PCLO: variants seen among roughly 807,000 people sequenced by gnomAD.
The protein encoded by PCLO is piccolo presynaptic cytomatrix protein, also known as protein piccolo.
PCLO carries 82 observed loss-of-function variants against 427.5 expected under a neutral mutation model. That is an observed-to-expected ratio of 0.19 (90% CI 0.16 to 0.23). PCLO has a LOEUF of 0.23. PCLO is among the 10% of genes least tolerant of loss of function. The probability of loss-of-function intolerance (pLI) is 1.00; values close to 1 mark genes in which losing one functional copy is unlikely to be tolerated. For synonymous variants in PCLO, 2,357 were observed against 2,155.4 expected (o/e 1.09, Z -2.59); for missense variants, 6,239 against 6,115.9 (o/e 1.02, Z -0.67).
chr7:82,958,626 A>G (rs772650581), intron 4 of PCLO, among the ~76,000 whole-genome samples: 9 of 152,114 alleles, frequency 5.9e-5, no homozygotes, highest in Non-Finnish European at 1.0e-4. Context: ...ACTAATGCCT[A>G]CTCTTCAGTG....
intron 3 of PCLO, among the ~76,000 whole-genome samples, chr7:83,121,818 G>A (rs1356199927): frequency 6.6e-6 from 1 of 151,356 alleles, no homozygotes; most frequent in Non-Finnish European, 1.5e-5. Context: ...TAAGTGAGAG[G>A]CTATAGCCCT....
intron 19 of PCLO, among the ~76,000 whole-genome samples, chr7:82,823,793 A>G (rs1791858673): frequency 6.6e-6 from 1 of 152,208 alleles, no homozygotes. Flanking sequence ...ATGCAAAATT[A>G]TATTTATTGG....
intron 3 of PCLO, among the ~76,000 whole-genome samples, chr7:82,979,382 T>G (rs1796097435): frequency 6.6e-6 from 1 of 152,228 alleles, no homozygotes. Flanking sequence ...TGCATTTTAT[T>G]TAATGATTCT....
chr7:83,015,750 A>T (rs1402088881), intron 3 of PCLO, among the ~76,000 whole-genome samples: 8 of 152,194 alleles, frequency 5.3e-5, no homozygotes, highest in Non-Finnish European at 1.2e-4. Context: ...GCTGTATAAT[A>T]GACTAGTATT....
intron 22 of PCLO, among the ~76,000 whole-genome samples, chr7:82,798,941 G>A (rs1334832153): frequency 6.6e-6 from 1 of 151,960 alleles, no homozygotes; most frequent in East Asian, 1.9e-4. Context: ...GGGTCAGTTC[G>A]CTAAAGGGGA....
chr7:82,889,252 T>C (rs1584105838), intron 9 of PCLO, among the ~76,000 whole-genome samples: 1 of 152,142 alleles, frequency 6.6e-6, no homozygotes, highest in Non-Finnish European at 1.5e-5. Flanking sequence ...GCTGTTGATG[T>C]CATCTGTCCA....
chr7:83,011,048 C>T (rs117103140), intron 3 of PCLO, among the ~76,000 whole-genome samples: 3,750 of 152,066 alleles, frequency 0.025, 85 homozygotes, highest in Non-Finnish European at 0.039. Context: ...GAAACTATCC[C>T]TTTACAAAGT....
At position 82,950,153 on chromosome 7, in the gene PCLO, G is replaced by C; in HGVS notation, c.10435C>G (p.Gln3479Glu). The change falls in exon 6 of 25, where the codon CAG becomes GAG. Residue 3479 changes from glutamine (Q) to glutamate (E), a missense_variant. Physicochemically the swap from Gln to Glu is conservative, Grantham distance 29. Transcript: ENST00000333891. Reference sequence around the variant, plus strand: ...CTAGTAGGCATATCCCACTCATCCTGATCTTCATCATCAGTTTGGACGCTT... The same window carrying C: ...CTAGTAGGCATATCCCACTCATCCTCATCTTCATCATCAGTTTGGACGCTT... ...DTSVQTDDED[Q>E]DEWDMPTRSR... 2 of 1,610,144 alleles carry C rather than the reference G, an allele frequency of 1.2e-6. No individual in the cohort carries two copies. Among genetic ancestry groups the C allele is most frequent in the Non-Finnish European group, 8.5e-7 (1 of 1,179,248 alleles).
At chr7:82,960,289 A>T (rs1390726255) in intron 4 of PCLO, among the ~76,000 whole-genome samples, 1 of 152,208 alleles carries the variant, frequency 6.6e-6, no homozygotes, top group Non-Finnish European at 1.5e-5. Context: ...AAATTAAGCC[A>T]ATAAAATTCA....
chr7:82,950,748 C>T lies in PCLO; in HGVS notation c.9840G>A (p.Met3280Ile), dbSNP rs745372105. 1 of 1,613,712 alleles carries T rather than the reference C, an allele frequency of 6.2e-7. No homozygotes were observed. Among genetic ancestry groups the T allele is most frequent in the African/African-American group, 1.3e-5 (1 of 74,884 alleles). ...QQEEERQAQFMMRQETLAQQQ... is the reference protein window; with the variant it reads ...QQEEERQAQFIMRQETLAQQQ... ...GCTGAGCTAACGTCTCCTGCCTCAT[C>T]ATGAACTGGGCTTGCCGCTCTTCTT... Residue 3280 changes from methionine to isoleucine, a missense_variant, in exon 6 of 25, where the codon ATG becomes ATA. Met to Ile is a conservative substitution (Grantham distance 10). Coordinates refer to ENST00000333891, the MANE Select transcript of PCLO (RefSeq NM_033026.6).
At position 83,135,599 on chromosome 7, in the gene PCLO, C is replaced by T; in HGVS notation, c.1951G>A (p.Ala651Thr). 2 of 1,612,538 alleles carry T rather than the reference C, an allele frequency of 1.2e-6. No homozygotes were observed. ...GGCTGGGGTGATGACGGAACTGGAG[C>T]CAGATCCCCGCCTAGAGCTCTTTTC... ...QMKRALGGDL[A>T]PVPSSPQPKL... Residue 651 changes from alanine (A) to threonine (T), a missense_variant, in exon 3 of 25, where the codon GCT becomes ACT. Physicochemically the swap from Ala to Thr is moderately conservative, Grantham distance 58. Transcript: ENST00000333891.
chr7:82,856,524 T>C (rs1792810762), intron 10 of PCLO, among the ~76,000 whole-genome samples: 1 of 152,092 alleles, frequency 6.6e-6, no homozygotes, highest in South Asian at 2.1e-4. Context: ...ACAGACTGAA[T>C]CAGAAAGTGG....
Position 82,915,238 on chromosome 7 carries a change from T to C in PCLO, c.12748A>G (p.Thr4250Ala). ...DITFGLRKNI[T>A]DQQKFMGSSL... ...GATCCCATAAATTTTTGTTGGTCTGTAATATTTTTTCTGAGGCCAAAAGTG... is the reference window on the plus strand; with the variant it reads ...GATCCCATAAATTTTTGTTGGTCTGCAATATTTTTTCTGAGGCCAAAAGTG... Residue 4250 changes from threonine (T) to alanine (A), a missense_variant, in exon 7 of 25, where the codon ACA becomes GCA. By Grantham distance (58) the Thr-to-Ala change is moderately conservative. Transcript: ENST00000333891. 1 of 1,613,364 alleles carries C rather than the reference T, an allele frequency of 6.2e-7. No individual in the cohort carries two copies. Among genetic ancestry groups the C allele is most frequent in the African/African-American group, 1.3e-5 (1 of 75,002 alleles).
At chr7:83,119,818 T>C (rs1791228149) in intron 3 of PCLO, among the ~76,000 whole-genome samples, 1 of 99,238 alleles carries the variant, frequency 1.0e-5, no homozygotes, top group Non-Finnish European at 1.9e-5. Context: ...CCCAGAATCC[T>C]ATCAGAAAAA....
At chr7:82,852,955 A>C (rs191770524) in intron 10 of PCLO, among the ~76,000 whole-genome samples, 13 of 152,174 alleles carry the variant, frequency 8.5e-5, no homozygotes, top group Non-Finnish European at 1.5e-4. Context: ...CTACATATGG[A>C]GTGAGAACAC....
At chr7:82,777,267 T>C (rs1790773921) in intron 22 of PCLO, among the ~76,000 whole-genome samples, 1 of 152,048 alleles carries the variant, frequency 6.6e-6, no homozygotes, top group Non-Finnish European at 1.5e-5. Flanking sequence ...CACAAACATA[T>C]GGGAAAACAT....
chr7:83,024,866 G>A (rs1038998070), intron 3 of PCLO, among the ~76,000 whole-genome samples: 1 of 151,942 alleles, frequency 6.6e-6, no homozygotes, highest in African/African-American at 2.4e-5. Flanking sequence ...CACACGGCAG[G>A]GTACTCCAAC....
At chr7:83,019,218 G>C (rs974408034) in intron 3 of PCLO, among the ~76,000 whole-genome samples, 3 of 151,914 alleles carry the variant, frequency 2.0e-5, no homozygotes, top group Non-Finnish European at 4.4e-5. Flanking sequence ...TGTGTGTCTT[G>C]CTTTGCTTGT....
chr7:82,952,250 A>G lies in PCLO; in HGVS notation c.8703T>C (p.Ser2901=). 2 of 1,613,882 alleles carry G rather than the reference A, an allele frequency of 1.2e-6. No individual in the cohort carries two copies. Among genetic ancestry groups the G allele is most frequent in the Non-Finnish European group, 1.7e-6 (2 of 1,179,828 alleles). The change falls in exon 5 of 25, where the codon AGT becomes AGC. Residue 2901 remains serine, a synonymous_variant. Coordinates refer to ENST00000333891, the MANE Select transcript of PCLO (RefSeq NM_033026.6). ...GITDGEVVDL[S]TTKSHRTVVT... Reference sequence around the variant, plus strand: ...CGACTGTTCTGTGAGACTTGGTTGTACTGAGATCCACTACTTCCCCATCAG... The same window carrying G: ...CGACTGTTCTGTGAGACTTGGTTGTGCTGAGATCCACTACTTCCCCATCAG...
Sources: gnomAD v4.1 joint callset for allele counts (sites outside exome capture counted in the v4.1 genomes callset) on GRCh38, gnomAD v4.1.1 for gene constraint, MANE v1.5 for transcripts, NCBI Gene and HGNC (gene_info 2026-07-23, HGNC 2026-07-21) for gene names.